Variants in MCM10 observed in about 807,000 individuals in gnomAD.
The protein encoded by MCM10 is minichromosome maintenance 10 replication initiation factor.
MCM10 carries 91 observed loss-of-function variants against 109.9 expected under a neutral mutation model. The observed-to-expected ratio is 0.83, with a 90% CI of 0.70 to 0.99. The LOEUF is 0.99. MCM10 is among the 50% of genes least tolerant of loss of function. MCM10 has a pLI of 0.00. For missense variants in MCM10, 1,077 were observed against 1,061.2 expected (o/e 1.01, Z -0.21); for synonymous variants, 380 against 387.2 (o/e 0.98, Z 0.22).
At chr10:13,203,680 TCTC>T (rs765108023) in intron 17 of MCM10, among the ~76,000 whole-genome samples, 29 of 152,146 alleles carry the variant, frequency 1.9e-4, no homozygotes, top group Non-Finnish European at 3.8e-4. Flanking sequence ...CCCTTCTCAT[TCTC>T]CTCGGTCCTT....
At chr10:13,191,203 G>A (rs1834342621) in intron 10 of MCM10, 96 bp from the exon 11 acceptor site, 1 of 794,218 alleles carries the variant, frequency 1.3e-6, no homozygotes, top group East Asian at 2.5e-5. Flanking sequence ...AACTTTGACG[G>A]TGTGTGTAAT....
In MCM10 at chr10:13,172,829, C is replaced by CATGTGTGTGTGGGTGTCT. The variant is rs1834093736; in HGVS notation, c.592+65_592+82dup. On this transcript the variant is annotated intron_variant, in intron 5 of 19. Coordinates refer to ENST00000378714, the MANE Select transcript of MCM10 (RefSeq NM_018518.5). This position sits in a 1 kb window ranked among gnomAD's most constrained non-coding sequence, Gnocchi z 5.2. ...ATGTGTTTATGTGTGTGGGGGTGTT[C>CATGTGTGTGTGGGTGTCT]ATGTGTGTGTGGGTGTCTGTGTCTT... 6 of 1,525,242 alleles carry CATGTGTGTGTGGGTGTCT rather than the reference C, an allele frequency of 3.9e-6. No individual in the cohort carries two copies. In the Admixed American group the frequency reaches 1.1e-4, roughly 27 times the overall value. 94.5% of individuals were successfully genotyped at this position (1,525,242 alleles called of 1,614,324 possible). A position where few individuals can be genotyped will look rare whatever the true frequency, so the allele number is the denominator to read the frequency against.
At chr10:13,185,079 A>G (rs1834257167) in intron 8 of MCM10, among the ~76,000 whole-genome samples, 1 of 152,168 alleles carries the variant, frequency 6.6e-6, no homozygotes, top group Admixed American at 6.5e-5. Context: ...CAAATTGGGC[A>G]AAGCACCTTA....
At chr10:13,192,993 C>T (rs908573572) in intron 13 of MCM10, among the ~76,000 whole-genome samples, 2 of 152,008 alleles carry the variant, frequency 1.3e-5, no homozygotes, top group Admixed American at 1.3e-4. Context: ...TCAAATGATC[C>T]TCCTGCCTTG....
At chr10:13,201,580 G>A (rs760099914) in intron 17 of MCM10, 46 bp downstream of exon 17, 13 of 1,393,154 alleles carry the variant, frequency 9.3e-6, no homozygotes, top group Non-Finnish European at 1.2e-5. Flanking sequence ...CCTGTGTGGT[G>A]CTTTTGTGAC....
chr10:13,193,812 A>G (rs1266548862), intron 13 of MCM10, among the ~76,000 whole-genome samples: 1 of 152,142 alleles, frequency 6.6e-6, no homozygotes, highest in Non-Finnish European at 1.5e-5. Flanking sequence ...GCTTGAAGGC[A>G]TTGCGTAATG....
At chr10:13,166,786 AGT>A (rs537013763) in intron 2 of MCM10, among the ~76,000 whole-genome samples, 410 of 151,582 alleles carry the variant, frequency 2.7e-3, no homozygotes, top group African/African-American at 9.6e-3. Context: ...GAATTGAGGA[AGT>A]GTGGGAATCT....
intron 8 of MCM10, among the ~76,000 whole-genome samples, chr10:13,184,376 A>G (rs995105252): frequency 6.6e-6 from 1 of 152,138 alleles, no homozygotes; most frequent in Non-Finnish European, 1.5e-5. Flanking sequence ...GACTGTGACA[A>G]CCATAGCTGC....
intron 9 of MCM10, 82 bp from the exon 10 acceptor site, chr10:13,188,799 T>C: frequency 8.4e-7 from 1 of 1,195,420 alleles, no homozygotes; most frequent in Non-Finnish European, 1.2e-6. Flanking sequence ...TTCCGGGAAG[T>C]GGGGAGAAGG....
In MCM10 at chr10:13,201,441, G is replaced by T. The variant is rs1334621229; in HGVS notation, c.2259G>T (p.Glu753Asp). Residue 753 changes from glutamate (E) to aspartate (D), a missense_variant, in exon 17 of 20, where the codon GAG becomes GAT. Transcript: ENST00000378714. ...ILKEAEAEMQ[E>D]RYFEPLVKKE... The stretch of plus-strand genomic sequence containing the variant: ...TCCAGGCCGAGGCTGAGATGCAGGA[G>T]CGCTACTTTGAGCCACTGGTGAAAA... 1.2e-6 allele frequency: 2 copies of T among 1,612,638 alleles called. No homozygotes were observed. Among genetic ancestry groups the T allele is most frequent in the African/African-American group, 1.3e-5 (1 of 74,874 alleles).
At chr10:13,201,855 C>T (rs1205415677) in intron 17 of MCM10, 1 of 268,076 alleles carries the variant, frequency 3.7e-6, no homozygotes, top group Non-Finnish European at 7.2e-6. Context: ...TTTGGCGTAT[C>T]CTCGCTCAGC....
At chr10:13,197,938 G>A (rs555776900) in intron 15 of MCM10, among the ~76,000 whole-genome samples, 171 bp downstream of exon 15, 1 of 146,672 alleles carries the variant, frequency 6.8e-6, no homozygotes, top group East Asian at 2.0e-4. Flanking sequence ...TTTTTTCATG[G>A]AGTCTTGCTC....
At chr10:13,185,884 C>G (rs1179194065) in intron 8 of MCM10, among the ~76,000 whole-genome samples, 3 of 152,154 alleles carry the variant, frequency 2.0e-5, no homozygotes, top group South Asian at 2.1e-4. Flanking sequence ...CTTCAGCCCC[C>G]CAAGTAACTG....
At chr10:13,166,649 A>ACATATATATATAT (rs1554773845) in intron 2 of MCM10, among the ~76,000 whole-genome samples, 14 of 41,522 alleles carry the variant, frequency 3.4e-4, no homozygotes, top group African/African-American at 1.0e-3. Flanking sequence ...AAAAAAAAAA[A>ACATATATATATAT]ATACATACAT....
At chr10:13,177,002 G>A (rs1370321998) in intron 6 of MCM10, among the ~76,000 whole-genome samples, 1 of 152,204 alleles carries the variant, frequency 6.6e-6, no homozygotes, top group African/African-American at 2.4e-5. Context: ...TACAGCAGTA[G>A]AAGCTGTGGT....
Position 13,171,179 on chromosome 10 carries a change from G to C in MCM10, c.265G>C (p.Glu89Gln). ...GDMEDLTDEE[E>Q]VPASQSTENR... is the part of the protein sequence containing the mutation. ...TATGGAGGACTTAACAGATGAAGAA[G>C]AAGTTCCCGCATCACAGTCAACTGA... The change falls in exon 3 of 20, where the codon GAA becomes CAA. Residue 89 changes from glutamate to glutamine, a missense_variant. Coordinates refer to ENST00000378714, the MANE Select transcript of MCM10 (RefSeq NM_018518.5). The C allele has an allele frequency of 6.2e-7, 1 of 1,614,198 alleles. No individual in the cohort carries two copies. Among genetic ancestry groups the C allele is most frequent in the African/African-American group, 1.3e-5 (1 of 75,048 alleles).
At chr10:13,174,974 C>T (rs1036050349) in intron 5 of MCM10, among the ~76,000 whole-genome samples, 2 of 151,958 alleles carry the variant, frequency 1.3e-5, no homozygotes, top group African/African-American at 4.8e-5. Context: ...ACTAAAAATA[C>T]AAAATTAGCC....
intron 6 of MCM10, among the ~76,000 whole-genome samples, chr10:13,178,676 G>C (rs1166081600): frequency 3.3e-5 from 5 of 152,206 alleles, no homozygotes; most frequent in Admixed American, 1.3e-4. Flanking sequence ...GCTCGGGATT[G>C]CTTTGGCTAT....
At chr10:13,171,940 A>T (rs61518236) in intron 3 of MCM10, among the ~76,000 whole-genome samples, 1 of 150,406 alleles carries the variant, frequency 6.6e-6, no homozygotes, top group African/African-American at 2.4e-5. Context: ...AATTTTTTTT[A>T]TTTTTTTTAT....
Sources: gnomAD v4.1 joint callset for allele counts (sites outside exome capture counted in the v4.1 genomes callset) on GRCh38, gnomAD v4.1.1 for gene constraint, Gnocchi (gnomAD v3.1) non-coding constraint, MANE v1.5 for transcripts, NCBI Gene and HGNC (gene_info 2026-07-23, HGNC 2026-07-21) for gene names.